Variants in SPATA16 observed in about 807,000 individuals in gnomAD.
The protein encoded by SPATA16 is spermatogenesis associated 16.
SPATA16 carries 36 observed loss-of-function variants against 63.3 expected under a neutral mutation model. That is an observed-to-expected ratio of 0.57 (90% CI 0.44 to 0.75). The LOEUF is 0.75. SPATA16 is among the 30% of genes least tolerant of loss of function. The probability of loss-of-function intolerance (pLI) is 0.00; values close to 1 mark genes in which losing one functional copy is unlikely to be tolerated. For synonymous variants in SPATA16, 203 were observed against 216.7 expected (o/e 0.94, Z 0.56); for missense variants, 646 against 679.3 (o/e 0.95, Z 0.54).
At chr3:173,028,054 CCTTCCTTCCTTCCTTCCTTCCTTT>C (rs760961162) in intron 3 of SPATA16, among the ~76,000 whole-genome samples, 4,246 of 113,376 alleles carry the variant, frequency 0.037, 483 homozygotes, top group African/African-American at 0.13. Context: ...TTCCTTCCTT[CCTTCCTTCCTTCCTTCCTTCCTTT>C]CTCTCTCTCT....
At chr3:173,072,143 G>C (rs1736690193) in intron 2 of SPATA16, among the ~76,000 whole-genome samples, 1 of 152,166 alleles carries the variant, frequency 6.6e-6, no homozygotes, top group Non-Finnish European at 1.5e-5. Flanking sequence ...ATTCACAGTA[G>C]CAAAGACATG....
chr3:173,090,537 A>G (rs1314357616), intron 2 of SPATA16, among the ~76,000 whole-genome samples: 2 of 152,218 alleles, frequency 1.3e-5, no homozygotes, highest in Non-Finnish European at 2.9e-5. Context: ...GAAATAGGGT[A>G]ACATAATTTT....
chr3:173,090,451 G>T (rs1158730020), intron 2 of SPATA16, among the ~76,000 whole-genome samples: 1 of 152,154 alleles, frequency 6.6e-6, no homozygotes, highest in Non-Finnish European at 1.5e-5. Context: ...TTACAGCAAT[G>T]CAAGAATGGA....
intron 4 of SPATA16, 62 bp from the exon 5 acceptor site, chr3:172,977,114 A>G (rs1734180393): frequency 7.6e-7 from 1 of 1,322,940 alleles, no homozygotes; most frequent in Middle Eastern, 1.8e-4. Flanking sequence ...AAGGAAAACC[A>G]TAACAGGCAC....
At chr3:173,084,216 G>C (rs9856376) in intron 2 of SPATA16, among the ~76,000 whole-genome samples, 6,010 of 151,880 alleles carry the variant, frequency 0.04, 397 homozygotes, top group African/African-American at 0.14. Flanking sequence ...TTGTCATTCT[G>C]TCATGAGATA....
intron 6 of SPATA16, among the ~76,000 whole-genome samples, chr3:172,947,887 T>G (rs1246529819): frequency 6.6e-6 from 1 of 152,000 alleles, no homozygotes; most frequent in Non-Finnish European, 1.5e-5. Flanking sequence ...ATGGCACATG[T>G]ATACGTATGT....
At chr3:173,131,568 T>C (rs1016490628) in intron 1 of SPATA16, among the ~76,000 whole-genome samples, 1 of 152,168 alleles carries the variant, frequency 6.6e-6, no homozygotes, top group Non-Finnish European at 1.5e-5. Flanking sequence ...AGAGCTCTTT[T>C]ACCACTCAGA....
intron 8 of SPATA16, among the ~76,000 whole-genome samples, chr3:172,923,174 A>T (rs1732653246): frequency 6.6e-6 from 1 of 152,148 alleles, no homozygotes; most frequent in Non-Finnish European, 1.5e-5. Context: ...GTGTTTTGTT[A>T]TGGCAGCCTG....
rs184153396 is a variant in SPATA16, at chr3:172,946,050, C to G, written c.1081+10627G>C. Among the ~76,000 whole-genome samples the G allele has an allele frequency of 5.9e-5, 9 of 152,210 alleles. No homozygotes were observed. The East Asian group carries it at 1.4e-3, about 23-fold the overall frequency. On this transcript the variant is annotated intron_variant, in intron 6 of 10. Transcript: ENST00000351008. Reference sequence around the variant, plus strand: ...TTTGTCTTGCAACTTGGATACCAGCCCAGCCACAGGATAGGGCACTATTCT... The same window carrying G: ...TTTGTCTTGCAACTTGGATACCAGCGCAGCCACAGGATAGGGCACTATTCT...
chr3:173,001,869 C>G (rs1199306069), intron 4 of SPATA16, among the ~76,000 whole-genome samples: 3 of 152,112 alleles, frequency 2.0e-5, no homozygotes, highest in Admixed American at 1.3e-4. Flanking sequence ...GACTTCTAAG[C>G]TCCCTGCAAA....
chr3:173,100,843 T>C (rs969838811), intron 2 of SPATA16, among the ~76,000 whole-genome samples: 3 of 152,160 alleles, frequency 2.0e-5, no homozygotes, highest in African/African-American at 7.2e-5. Context: ...CATAAACAAT[T>C]ACTTAGTAAT....
chr3:173,051,007 A>C (rs1432424428), intron 2 of SPATA16, among the ~76,000 whole-genome samples: 1 of 152,224 alleles, frequency 6.6e-6, no homozygotes, highest in Non-Finnish European at 1.5e-5. Flanking sequence ...TGGCAATTTG[A>C]GACAGCATCT....
chr3:173,051,292 T>A (rs1736084701), intron 2 of SPATA16, among the ~76,000 whole-genome samples: 1 of 152,226 alleles, frequency 6.6e-6, no homozygotes, highest in Non-Finnish European at 1.5e-5. Context: ...AACCTCTGCC[T>A]CCCGGGTTCA....
intron 3 of SPATA16, among the ~76,000 whole-genome samples, chr3:173,028,604 G>T (rs1280654615): frequency 6.8e-6 from 1 of 146,722 alleles, no homozygotes; most frequent in Non-Finnish European, 1.5e-5. Context: ...AAAAATCTTA[G>T]TTATAAACAA....
intron 6 of SPATA16, among the ~76,000 whole-genome samples, chr3:172,931,784 A>G (rs1210992004): frequency 6.6e-6 from 1 of 152,196 alleles, no homozygotes; most frequent in Non-Finnish European, 1.5e-5. Context: ...CCTAAACCCC[A>G]AATGGGTTCT....
chr3:172,924,841 T>A (rs532449306), intron 7 of SPATA16, among the ~76,000 whole-genome samples: 2 of 152,318 alleles, frequency 1.3e-5, no homozygotes, highest in African/African-American at 4.8e-5. Context: ...TTCAACTCCA[T>A]GTGAATATTT....
At position 173,105,514 on chromosome 3, in the gene SPATA16, C is replaced by T. The variant is rs78868135; in HGVS notation, c.612+11606G>A. Among the ~76,000 whole-genome samples, 1,441 of 152,224 alleles carry T rather than the reference C, an allele frequency of 9.5e-3. 20 individuals are homozygous for T. The highest frequency in any genetic ancestry group is 0.041 in the Middle Eastern group (12 of 294). ...TAATTTCTTAGTCTCAGAGATAGTC[C>T]TTTCTGAATTATTCACACTTCTCCA... On this transcript the variant is annotated intron_variant, in intron 2 of 10. Coordinates refer to ENST00000351008, the MANE Select transcript of SPATA16 (RefSeq NM_031955.6).
At chr3:173,003,522 C>T (rs891675001) in intron 4 of SPATA16, among the ~76,000 whole-genome samples, 9 of 152,198 alleles carry the variant, frequency 5.9e-5, no homozygotes, top group African/African-American at 2.2e-4. Context: ...TAAACTCTAG[C>T]TTCAGTTTGC....
rs66806016 is a variant in SPATA16, at chr3:172,959,787, C to CATATATATATATATATATAT, written c.934-2983_934-2964dup. Among the ~76,000 whole-genome samples the CATATATATATATATATATAT allele has an allele frequency of 1.2e-3, 158 of 135,472 alleles. 3 individuals are homozygous for CATATATATATATATATATAT. Among genetic ancestry groups the CATATATATATATATATATAT allele is most frequent in the African/African-American group, 3.9e-3 (133 of 34,292 alleles). 88.9% of individuals were successfully genotyped at this position (135,472 alleles called of 152,430 possible). A position where few individuals can be genotyped will look rare whatever the true frequency, so the allele number is the denominator to read the frequency against. On this transcript the variant is annotated intron_variant, in intron 5 of 10. Transcript: ENST00000351008. ...GTTGTAAAGAAATAGAGTAATATAA[C>CATATATATATATATATATAT]ATATATATATATATATATATATATA...
Sources: allele counts gnomAD v4.1 joint callset (sites outside exome capture counted in the v4.1 genomes callset), GRCh38; gene constraint gnomAD v4.1.1; transcripts MANE v1.5; gene names NCBI Gene and HGNC (gene_info 2026-07-23, HGNC 2026-07-21).